Variants in CCDC73 observed in about 807,000 individuals in gnomAD.
The protein encoded by CCDC73 is coiled-coil domain-containing protein 73.
In CCDC73, 95 loss-of-function variants were observed where a neutral mutation model predicts 116.5. The observed-to-expected ratio is 0.82, with a 90% CI of 0.69 to 0.97. CCDC73 has a LOEUF of 0.97. Among genes scored for constraint, CCDC73 ranks in the 50% least tolerant of loss-of-function variants. CCDC73 has a pLI of 0.00. For synonymous variants in CCDC73, 398 were observed against 401.3 expected (o/e 0.99, Z 0.10); for missense variants, 1,066 against 1,206.8 (o/e 0.88, Z 1.73).
chr11:32,661,822 T>C (rs913529415), intron 9 of CCDC73, among the ~76,000 whole-genome samples: 3 of 151,944 alleles, frequency 2.0e-5, no homozygotes, highest in African/African-American at 7.3e-5. Flanking sequence ...CTCCTAATGC[T>C]ATCCCTCCCC....
At chr11:32,676,587 C>G (rs535116229) in intron 7 of CCDC73, among the ~76,000 whole-genome samples, 6 of 152,240 alleles carry the variant, frequency 3.9e-5, no homozygotes, top group African/African-American at 1.4e-4. Context: ...GAGTTTGAGA[C>G]CAGCCTAGGC....
At chr11:32,806,189 AAGG>A in the CCDC73 span, among the ~76,000 whole-genome samples, 1 of 152,334 alleles carries the variant, frequency 6.6e-6, no homozygotes, top group Middle Eastern at 3.4e-3. Flanking sequence ...AAACTAGTTA[AAGG>A]AGGTTAAAAA....
chr11:32,645,075 AACAC>A (rs1455726587), intron 12 of CCDC73, among the ~76,000 whole-genome samples: 1 of 152,140 alleles, frequency 6.6e-6, no homozygotes, highest in African/African-American at 2.4e-5. Flanking sequence ...AAAAAAAACT[AACAC>A]ACAAACACAC....
the CCDC73 span, among the ~76,000 whole-genome samples, chr11:32,829,158 A>G: frequency 6.6e-6 from 1 of 152,252 alleles, no homozygotes; most frequent in Non-Finnish European, 1.5e-5. Flanking sequence ...AACAAATTTT[A>G]TTAATCTCTA....
intron 3 of CCDC73, among the ~76,000 whole-genome samples, chr11:32,717,154 C>T (rs914451952): frequency 1.3e-5 from 2 of 152,166 alleles, no homozygotes; most frequent in African/African-American, 2.4e-5. Flanking sequence ...TATCACCTGA[C>T]TTCTGATTCT....
intron 2 of CCDC73, among the ~76,000 whole-genome samples, chr11:32,727,998 T>C (rs1850043408): frequency 6.6e-6 from 1 of 152,126 alleles, no homozygotes; most frequent in African/African-American, 2.4e-5. Flanking sequence ...ACGCCTGTAA[T>C]CCTAGCACTT....
At chr11:32,746,367 T>G (rs1850239651) in intron 2 of CCDC73, among the ~76,000 whole-genome samples, 1 of 152,210 alleles carries the variant, frequency 6.6e-6, no homozygotes, top group Non-Finnish European at 1.5e-5. Flanking sequence ...CATTTTTTCC[T>G]TCATTTCAAC....
chr11:32,800,240 A>G, the CCDC73 span, among the ~76,000 whole-genome samples: 30 of 152,296 alleles, frequency 2.0e-4, no homozygotes, highest in African/African-American at 6.5e-4. Context: ...GATGTACTAC[A>G]TACACCATGG....
chr11:32,663,960 C>G (rs1441517126), intron 9 of CCDC73, among the ~76,000 whole-genome samples: 1 of 152,136 alleles, frequency 6.6e-6, no homozygotes, highest in African/African-American at 2.4e-5. Flanking sequence ...GTCGTTGGTT[C>G]TGTTTATATG....
At chr11:32,719,318 G>A (rs1276661255) in intron 2 of CCDC73, among the ~76,000 whole-genome samples, 5 of 152,122 alleles carry the variant, frequency 3.3e-5, no homozygotes, top group African/African-American at 1.2e-4. Context: ...CACACACAGA[G>A]CCCTTCTGCA....
chr11:32,609,848 C>T (rs528546593), intron 17 of CCDC73, among the ~76,000 whole-genome samples: 13 of 152,048 alleles, frequency 8.5e-5, no homozygotes, highest in East Asian at 3.9e-4. Context: ...GGCGTGATCT[C>T]GGCTCACTGC....
At chr11:32,799,794 T>TA in the CCDC73 span, among the ~76,000 whole-genome samples, 286 of 152,322 alleles carry the variant, frequency 1.9e-3, 1 homozygote, top group African/African-American at 6.4e-3. Flanking sequence ...AAGAATAACT[T>TA]ATATGCACGA....
chr11:32,651,959 G>T (rs1224187058), intron 12 of CCDC73, among the ~76,000 whole-genome samples: 1 of 152,200 alleles, frequency 6.6e-6, no homozygotes. Context: ...TTACAGGGCA[G>T]TTCCTGCTCC....
At chr11:32,820,575 G>A in the CCDC73 span, among the ~76,000 whole-genome samples, 15 of 152,202 alleles carry the variant, frequency 9.9e-5, no homozygotes, top group Non-Finnish European at 1.9e-4. Context: ...ACACAAAAGT[G>A]TAATAGTTAA....
the CCDC73 span, among the ~76,000 whole-genome samples, chr11:32,807,869 C>G: frequency 1.3e-5 from 2 of 152,124 alleles, no homozygotes; most frequent in Non-Finnish European, 1.5e-5. Flanking sequence ...TTAGTTTGCC[C>G]ACCCTGACCG....
chr11:32,638,657 T>C (rs1450484731), intron 13 of CCDC73, among the ~76,000 whole-genome samples: 1 of 151,972 alleles, frequency 6.6e-6, no homozygotes. Flanking sequence ...TTTTGTATTG[T>C]TAGTAGAGAC....
chr11:32,737,469 C>A (rs1164672388), intron 2 of CCDC73, among the ~76,000 whole-genome samples: 2 of 151,864 alleles, frequency 1.3e-5, no homozygotes, highest in Non-Finnish European at 2.9e-5. Flanking sequence ...AAAAATTAGC[C>A]CGTGAGGGCA....
intron 14 of CCDC73, 128 bp downstream of exon 14, chr11:32,635,568 T>G: frequency 1.2e-6 from 1 of 811,054 alleles, no homozygotes; most frequent in Non-Finnish European, 1.6e-6. Context: ...AAAAATGTAT[T>G]AGAGACCATA....
At chr11:32,769,374 G>A (rs1054761427) in intron 1 of CCDC73, among the ~76,000 whole-genome samples, 5 of 152,020 alleles carry the variant, frequency 3.3e-5, no homozygotes, top group South Asian at 2.1e-4. Flanking sequence ...CTAGGGATTC[G>A]CTGTCCACTG....
Sources: gnomAD v4.1 joint callset for allele counts (sites outside exome capture counted in the v4.1 genomes callset) on GRCh38, gnomAD v4.1.1 for gene constraint, MANE v1.5 for transcripts, NCBI Gene and HGNC (gene_info 2026-07-23, HGNC 2026-07-21) for gene names.